Variants in GLOD4 observed in about 807,000 individuals in gnomAD.
GLOD4 encodes glyoxalase domain-containing protein 4.
In GLOD4, 44 loss-of-function variants were observed where a neutral mutation model predicts 39.1. The observed-to-expected ratio is 1.13, with a 90% CI of 0.88 to 1.45. GLOD4 has a LOEUF of 1.45. Among genes scored for constraint, GLOD4 ranks in the 40% most tolerant of loss-of-function variants. GLOD4 has a pLI of 0.00. For synonymous variants in GLOD4, 145 were observed against 135.0 expected (o/e 1.07, Z -0.52); for missense variants, 405 against 366.4 (o/e 1.11, Z -0.86).
chr17:763,507 T>G lies in GLOD4; in HGVS notation c.832-3269A>C, dbSNP rs903836100. ...CTGCACTCTAGCCTGGGCAACAGAG[T>G]GAGGCTCCATCTCAAAAAATAAATA... On this transcript the variant is annotated intron_variant, in intron 8 of 8. Coordinates refer to ENST00000301329, the MANE Select transcript of GLOD4 (RefSeq NM_016080.4). 4 of 152,116 alleles carry G rather than the reference T, an allele frequency of 2.6e-5. No homozygotes were observed. In the South Asian group the frequency reaches 8.3e-4, roughly 32 times the overall value. 9.4% of individuals were successfully genotyped at this position (152,116 alleles called of 1,614,324 possible). A position where few individuals can be genotyped will look rare whatever the true frequency, so the allele number is the denominator to read the frequency against.
At chr17:768,808 TAGA>T (rs67569747) in intron 8 of GLOD4, among the ~76,000 whole-genome samples, 8 of 98,880 alleles carry the variant, frequency 8.1e-5, no homozygotes, top group Non-Finnish European at 1.4e-4. Context: ...CTCAGATTTT[TAGA>T]AGAAGAAATC....
At chr17:772,889 G>A (rs1025828018) in intron 4 of GLOD4, among the ~76,000 whole-genome samples, 1 of 151,976 alleles carries the variant, frequency 6.6e-6, no homozygotes, top group African/African-American at 2.4e-5. Context: ...CAGCTACTCA[G>A]GAGGCTGAGG....
At chr17:785,458 G>A (rs1910490574), upstream of GLOD4, among the ~76,000 whole-genome samples, 1 of 152,154 alleles carries the variant, frequency 6.6e-6, no homozygotes, top group Admixed American at 6.5e-5. Context: ...TAAATAAGGA[G>A]AGAATTTTCC....
At chr17:773,100 A>T (rs1246305356) in intron 4 of GLOD4, among the ~76,000 whole-genome samples, 1 of 152,238 alleles carries the variant, frequency 6.6e-6, no homozygotes, top group Non-Finnish European at 1.5e-5. Flanking sequence ...AAAAGTTGGC[A>T]GTGTTAACTG....
chr17:770,778 A>C (rs1907825957), intron 5 of GLOD4: 3 of 316,268 alleles, frequency 9.5e-6, no homozygotes, highest in African/African-American at 6.4e-5. Flanking sequence ...CCATGTCAAT[A>C]CATAAAGATT....
intron 6 of GLOD4, 36 bp downstream of exon 6, chr17:770,385 G>A: frequency 9.5e-7 from 1 of 1,057,436 alleles, no homozygotes; most frequent in Non-Finnish European, 1.5e-6. Flanking sequence ...GAACTAGCTA[G>A]TCAGAAAGCT....
intron 8 of GLOD4, among the ~76,000 whole-genome samples, chr17:765,913 G>A (rs1285654196): frequency 9.9e-5 from 15 of 151,840 alleles, no homozygotes; most frequent in African/African-American, 2.7e-4. Context: ...CTGAGATCGC[G>A]CCACTGCACT....
Position 770,431 on chromosome 17 carries a change from G to T in GLOD4, c.620C>A (p.Pro207His). The T allele has an allele frequency of 6.5e-7, 1 of 1,539,262 alleles. No homozygotes were observed. Among genetic ancestry groups the T allele is most frequent in the Non-Finnish European group, 9.0e-7 (1 of 1,111,490 alleles). ...AAFGRIAFSC[P>H]QKELPDLEDL... The stretch of plus-strand genomic sequence containing the variant: ...GGTATCAAGCGTTACCTCTTTCTGG[G>T]GGCAAGAGAAGGCAATTCTTCCAAA... The change falls in exon 6 of 9, where the codon CCC (proline) becomes CAC (histidine). Residue 207 changes from proline (P) to histidine (H), a missense_variant. By Grantham distance (77) the Pro-to-His change is moderately conservative. Transcript: ENST00000301329.
At chr17:760,365 G>A (rs1905234017) in intron 8 of GLOD4, 127 bp from the exon 9 acceptor site, 6 of 608,124 alleles carry the variant, frequency 9.9e-6, no homozygotes, top group Admixed American at 3.0e-5. Flanking sequence ...CCAAACCCCC[G>A]CTCCAAAAAA....
chr17:783,447 T>G, upstream of GLOD4: 1 of 1,014,256 alleles, frequency 9.9e-7, no homozygotes, highest in Non-Finnish European at 1.4e-6. Flanking sequence ...AGGGATTCTC[T>G]TGCCTCAGCC....
intron 1 of GLOD4, among the ~76,000 whole-genome samples, chr17:781,234 GCAA>G (rs2144492961): frequency 6.6e-6 from 1 of 152,250 alleles, no homozygotes; most frequent in African/African-American, 2.4e-5. Flanking sequence ...TTTAATCTTT[GCAA>G]CAACCTTTTG....
intron 5 of GLOD4, chr17:770,937 T>C (rs1267465600): frequency 5.0e-6 from 1 of 200,708 alleles, no homozygotes; most frequent in East Asian, 1.4e-4. Context: ...CACACACTTC[T>C]TTGTGCCGAT....
intron 5 of GLOD4, 44 bp downstream of exon 5, chr17:771,281 G>C: frequency 7.3e-7 from 1 of 1,374,604 alleles, no homozygotes; most frequent in Non-Finnish European, 1.0e-6. Flanking sequence ...TCGTTTACAA[G>C]CCAAATTCAA....
intron 8 of GLOD4, among the ~76,000 whole-genome samples, chr17:768,464 A>G (rs1490551168): frequency 1.7e-4 from 24 of 143,346 alleles, no homozygotes; most frequent in African/African-American, 3.5e-4. Flanking sequence ...AACAGCGCGC[A>G]CTCAGATTTT....
At chr17:761,561 A>G (rs1905434726) in intron 8 of GLOD4, among the ~76,000 whole-genome samples, 1 of 152,128 alleles carries the variant, frequency 6.6e-6, no homozygotes. Flanking sequence ...CTGGAGTGCA[A>G]CGGCGCCATC....
At chr17:767,874 A>G (rs1266068933) in intron 8 of GLOD4, among the ~76,000 whole-genome samples, 1 of 146,134 alleles carries the variant, frequency 6.8e-6, no homozygotes, top group African/African-American at 2.6e-5. Context: ...AGAAGAAGAA[A>G]TCTGGAGAGG....
chr17:771,216 G>C (rs1907896275), intron 5 of GLOD4, 109 bp downstream of exon 5: 1 of 659,868 alleles, frequency 1.5e-6, no homozygotes, highest in South Asian at 2.2e-5. Flanking sequence ...AAGAAACTAT[G>C]GGAACAACCT....
At chr17:782,320 C>T (rs563624186), upstream of GLOD4, 8 of 1,611,602 alleles carry the variant, frequency 5.0e-6, no homozygotes, top group South Asian at 8.8e-5. Context: ...CGCCACGGGC[C>T]GTGACGTCAC....
At chr17:767,887 G>C (rs1295564399) in intron 8 of GLOD4, among the ~76,000 whole-genome samples, 7 of 137,084 alleles carry the variant, frequency 5.1e-5, no homozygotes, top group Non-Finnish European at 1.1e-4. Flanking sequence ...TGGAGAGGAC[G>C]TAAGAGAGAG....
Sources: allele counts gnomAD v4.1 joint callset (sites outside exome capture counted in the v4.1 genomes callset), GRCh38; gene constraint gnomAD v4.1.1; transcripts MANE v1.5; gene names NCBI Gene and HGNC (gene_info 2026-07-23, HGNC 2026-07-21).